HS6ST2: variants seen among roughly 807,000 people sequenced by gnomAD.
The protein encoded by HS6ST2 is heparan sulfate 6-O-sulfotransferase 2.
Under a neutral mutation model 33.0 loss-of-function variants are expected in HS6ST2, and 17 were observed. The observed-to-expected ratio is 0.52, with a 90% CI of 0.35 to 0.77. The LOEUF (loss-of-function observed/expected upper bound fraction) is 0.77, where lower values mean the gene tolerates loss of function less well. Ranked by LOEUF, HS6ST2 falls within the 30% of genes least tolerant of loss-of-function variation. HS6ST2 has a pLI of 0.01. For synonymous variants in HS6ST2, 248 were observed against 237.1 expected, an observed-to-expected ratio of 1.05 and a Z score of -0.42; for missense variants, 519 against 551.7, an observed-to-expected ratio of 0.94 and a Z score of 0.59.
chrX:132,840,139 G>A (rs891985973), intron 2 of HS6ST2, among the ~76,000 whole-genome samples: 1 of 111,177 alleles, frequency 9.0e-6, no homozygotes, highest in African/African-American at 3.3e-5. Flanking sequence ...AAATAAATTA[G>A]AGCCTCTGCA....
In HS6ST2 at chrX:132,869,844, T is replaced by C. The variant is rs1037465402; in HGVS notation, c.947+86964A>G. Among the ~76,000 whole-genome samples the C allele has an allele frequency of 2.7e-5, 3 of 111,830 alleles. No homozygotes were observed. In the Admixed American group the frequency reaches 2.9e-4, roughly 11 times the overall value. On this transcript the variant is annotated intron_variant, in intron 2 of 4. Transcript: ENST00000370833. ...GGGCAAAAGCTGGAAGGATTCCCTCTGAAAACTGGCACAAGACAAGGATGC... is the reference window on the plus strand; with the variant it reads ...GGGCAAAAGCTGGAAGGATTCCCTCCGAAAACTGGCACAAGACAAGGATGC...
chrX:132,663,133 G>C, intron 4 of HS6ST2, among the ~76,000 whole-genome samples: 1 of 111,998 alleles, frequency 8.9e-6, no homozygotes, highest in Non-Finnish European at 1.9e-5. Flanking sequence ...CTCAAATACA[G>C]GTCTATTTAA....
At chrX:132,772,663 T>C (rs1282085355) in intron 2 of HS6ST2, among the ~76,000 whole-genome samples, 1 of 99,143 alleles carries the variant, frequency 1.0e-5, no homozygotes, top group Non-Finnish European at 2.0e-5. Context: ...TTGTATGCAA[T>C]ATAATTATAT....
chrX:132,664,893 G>A (rs896169572), intron 4 of HS6ST2, among the ~76,000 whole-genome samples: 1 of 111,918 alleles, frequency 8.9e-6, no homozygotes, highest in Non-Finnish European at 1.9e-5. Context: ...ATGTGTGTCT[G>A]TTTGTCTATC....
At chrX:132,911,951 T>G (rs2066540111) in intron 2 of HS6ST2, among the ~76,000 whole-genome samples, 1 of 111,482 alleles carries the variant, frequency 9.0e-6, no homozygotes, top group Admixed American at 9.5e-5. Flanking sequence ...GAGCACACAC[T>G]CTTAAGGAAT....
chrX:132,649,498 T>C (rs1433134493), intron 4 of HS6ST2, among the ~76,000 whole-genome samples: 1 of 112,153 alleles, frequency 8.9e-6, no homozygotes, highest in African/African-American at 3.2e-5. Flanking sequence ...TAACAAATAA[T>C]TGTGGAATGT....
chrX:132,935,096 C>G (rs1408341266), intron 2 of HS6ST2, among the ~76,000 whole-genome samples: 1 of 111,051 alleles, frequency 9.0e-6, no homozygotes, highest in Admixed American at 9.6e-5. Context: ...CAACAGATCC[C>G]TAAAACACAT....
chrX:132,849,064 G>A (rs1312321447), intron 2 of HS6ST2, among the ~76,000 whole-genome samples: 1 of 111,709 alleles, frequency 9.0e-6, no homozygotes, highest in Non-Finnish European at 1.9e-5. Context: ...ATTAATGACT[G>A]ATAAAGCTCG....
intron 4 of HS6ST2, among the ~76,000 whole-genome samples, chrX:132,651,998 C>G (rs967966809): frequency 7.1e-5 from 8 of 111,999 alleles, no homozygotes; most frequent in Non-Finnish European, 5.6e-5. Flanking sequence ...CAGGCACCCA[C>G]AGTGCTCACC....
At chrX:132,655,432 C>T (rs243443) in intron 4 of HS6ST2, among the ~76,000 whole-genome samples, 4,326 of 111,705 alleles carry the variant, frequency 0.039, 183 homozygotes, top group African/African-American at 0.13. Flanking sequence ...CAAGGAATTT[C>T]TAGCAGAGAG....
chrX:132,919,319 A>C (rs2066626885), intron 2 of HS6ST2, among the ~76,000 whole-genome samples: 1 of 112,256 alleles, frequency 8.9e-6, no homozygotes, highest in African/African-American at 3.2e-5. Context: ...CCTGTACCAT[A>C]AAGTCACATA....
chrX:132,780,940 T>A (rs2065012117), intron 2 of HS6ST2, among the ~76,000 whole-genome samples: 1 of 111,405 alleles, frequency 9.0e-6, no homozygotes, highest in Non-Finnish European at 1.9e-5. Flanking sequence ...AAGATGTTAT[T>A]ATCCACCATA....
chrX:132,650,616 CT>C (rs771734227), intron 4 of HS6ST2, among the ~76,000 whole-genome samples: 1 of 110,591 alleles, frequency 9.0e-6, no homozygotes, highest in East Asian at 2.8e-4. Flanking sequence ...CCTTCTTGGC[CT>C]CTTTTTCTTT....
chrX:132,850,767 ACTGATGTATTCTCATC>A (rs1458370238), intron 2 of HS6ST2, among the ~76,000 whole-genome samples: 1 of 109,994 alleles, frequency 9.1e-6, no homozygotes, highest in African/African-American at 3.4e-5. Context: ...CATCATACAC[ACTGATGTATTCTCATC>A]AATGCATCAT....
At chrX:132,746,008 G>T (rs753621229) in intron 2 of HS6ST2, among the ~76,000 whole-genome samples, 3 of 111,789 alleles carry the variant, frequency 2.7e-5, no homozygotes, top group Non-Finnish European at 5.6e-5. Context: ...AACAGCCTTG[G>T]CTACAGTACA....
intron 3 of HS6ST2, among the ~76,000 whole-genome samples, chrX:132,690,271 T>C (rs1216660507): frequency 1.8e-5 from 2 of 112,358 alleles, no homozygotes; most frequent in African/African-American, 6.5e-5. Flanking sequence ...AACAAACATG[T>C]AATGGACTGG....
chrX:132,944,911 G>A (rs1457260477), intron 2 of HS6ST2, among the ~76,000 whole-genome samples: 7 of 111,113 alleles, frequency 6.3e-5, no homozygotes, highest in African/African-American at 2.0e-4. Flanking sequence ...CTAGAAGAAA[G>A]CCTAGGCAAT....
chrX:132,831,408 C>G (rs2065588891), intron 2 of HS6ST2, among the ~76,000 whole-genome samples: 2 of 111,047 alleles, frequency 1.8e-5, no homozygotes, highest in South Asian at 7.7e-4. Context: ...ATTTCTGGTA[C>G]AAAATGAGAG....
chrX:132,942,229 C>G (rs777829026), intron 2 of HS6ST2, among the ~76,000 whole-genome samples: 2 of 111,963 alleles, frequency 1.8e-5, no homozygotes, highest in Non-Finnish European at 3.8e-5. Context: ...AACCTTCAAG[C>G]TGTTTTGTCA....
Sources: gnomAD v4.1 joint callset for allele counts (sites outside exome capture counted in the v4.1 genomes callset) on GRCh38, gnomAD v4.1.1 for gene constraint, MANE v1.5 for transcripts, NCBI Gene and HGNC (gene_info 2026-07-23, HGNC 2026-07-21) for gene names.